Variants in JAK2 observed in about 807,000 individuals in gnomAD.
JAK2 encodes Janus kinase 2, also known as tyrosine-protein kinase JAK2.
JAK2 carries 86 observed loss-of-function variants against 139.3 expected under a neutral mutation model. The observed-to-expected ratio is 0.62, with a 90% CI of 0.52 to 0.74. The LOEUF (loss-of-function observed/expected upper bound fraction) is 0.74. Ranked by LOEUF, JAK2 falls within the 30% of genes least tolerant of loss-of-function variation. JAK2 has a pLI of 0.00. For synonymous variants in JAK2, 490 were observed against 437.7 expected, an observed-to-expected ratio of 1.12 and a Z score of -1.49; for missense variants, 1,421 against 1,360.3, an observed-to-expected ratio of 1.04 and a Z score of -0.70.
Position 5,078,466 on chromosome 9 carries a change from T to C in JAK2, c.2131+22T>C, listed in dbSNP as rs200502073. ...GACAGTAAGTTCTAGAAGGATTATA[T>C]ATAATGTTACTAAGCTTTACTTGGG... On this transcript the variant is annotated intron_variant, in intron 16 of 24. Transcript: ENST00000381652. The C allele has an allele frequency of 2.8e-4, 439 of 1,592,864 alleles. 1 individual carries two copies. The highest frequency in any genetic ancestry group is 9.0e-5 in the East Asian group (4 of 44,244).
At chr9:5,059,440 C>T (rs2149556) in intron 8 of JAK2, among the ~76,000 whole-genome samples, 95,727 of 152,004 alleles carry the variant, frequency 0.63, 32,186 homozygotes, top group African/African-American at 0.88. Context: ...TTTGACTGTA[C>T]CTCAAATTTT....
intron 9 of JAK2, among the ~76,000 whole-genome samples, chr9:5,065,889 T>C (rs1345138787): frequency 6.6e-6 from 1 of 152,164 alleles, no homozygotes; most frequent in Admixed American, 6.5e-5. Flanking sequence ...AAAGAGTTGA[T>C]TTAGTCTATG....
At chr9:5,094,832 T>C (rs1820860937) in intron 22 of JAK2, 1 of 152,194 alleles carries the variant, frequency 6.6e-6, no homozygotes, top group Non-Finnish European at 1.5e-5. Context: ...ACCAGAACTC[T>C]GTACCATAAA....
At chr9:5,027,630 C>T (rs1055345962) in intron 3 of JAK2, among the ~76,000 whole-genome samples, 3 of 152,258 alleles carry the variant, frequency 2.0e-5, no homozygotes, top group Non-Finnish European at 2.9e-5. Context: ...GCATTTTACC[C>T]GCAGTAGAAC....
intron 5 of JAK2, among the ~76,000 whole-genome samples, chr9:5,050,180 T>A (rs893352768): frequency 6.6e-6 from 1 of 152,256 alleles, no homozygotes; most frequent in South Asian, 2.1e-4. Context: ...GTTGATGTTA[T>A]ATGTACTCTG....
At chr9:5,114,251 C>T (rs779470255) in intron 22 of JAK2, 44 of 537,718 alleles carry the variant, frequency 8.2e-5, no homozygotes, top group Non-Finnish European at 1.5e-4. Flanking sequence ...CCACAATCAC[C>T]TGTCTGGTGG....
intron 2 of JAK2, among the ~76,000 whole-genome samples, chr9:5,019,395 A>C (rs1208338005): frequency 1.3e-5 from 2 of 151,914 alleles, no homozygotes; most frequent in Non-Finnish European, 2.9e-5. Flanking sequence ...TTTAAATGAT[A>C]TCTCTCTCTT....
intron 2 of JAK2, among the ~76,000 whole-genome samples, chr9:5,010,920 G>A (rs7852309): frequency 0.089 from 13,490 of 152,114 alleles, 1,754 homozygotes; most frequent in African/African-American, 0.29. Flanking sequence ...GTAGAATTCT[G>A]GGTTGACAGC....
Position 5,116,455 on chromosome 9 carries a change from AAAGT to A in JAK2, c.3060-6545_3060-6542del, listed in dbSNP as rs555959901. Among the ~76,000 whole-genome samples the A allele has an allele frequency of 2.3e-4, 35 of 152,342 alleles. 1 individual carries two copies. Among genetic ancestry groups the A allele is most frequent in the Admixed American group, 1.7e-3 (26 of 15,310 alleles). ...ACTTTTAGGGTATGAGTGAAACTAA[AAAGT>A]AAGACTCATCTAAAAATAATCATCT... is the stretch of plus-strand genomic sequence containing the variant. On this transcript the variant is annotated intron_variant, in intron 22 of 24. Coordinates refer to ENST00000381652, the MANE Select transcript of JAK2 (RefSeq NM_004972.4).
At position 5,054,675 on chromosome 9, in the gene JAK2, T is replaced by A; in HGVS notation, c.727T>A (p.Cys243Ser). Reference protein sequence around the residue: ...FRRFIQQFSQCKATARNLKLK... With the variant: ...FRRFIQQFSQSKATARNLKLK... ...CAGATTTATTCAGCAATTCAGCCAA[T>A]GCAAAGCCACTGCCAGAAACTTGAA... The change falls in exon 7 of 25, where the codon TGC becomes AGC. Residue 243 changes from cysteine to serine, a missense_variant. Physicochemically the swap from Cys to Ser is moderately radical, Grantham distance 112. Coordinates refer to ENST00000381652, the MANE Select transcript of JAK2 (RefSeq NM_004972.4). This position sits in a 1 kb window ranked among gnomAD's most constrained non-coding sequence, Gnocchi z 4.9. 1 of 1,613,466 alleles carries A rather than the reference T, an allele frequency of 6.2e-7. No individual in the cohort carries two copies. The highest frequency in any genetic ancestry group is 8.5e-7 in the Non-Finnish European group (1 of 1,179,488).
intron 8 of JAK2, among the ~76,000 whole-genome samples, chr9:5,062,021 T>G (rs1818211759): frequency 6.6e-6 from 1 of 152,174 alleles, no homozygotes; most frequent in South Asian, 2.1e-4. Flanking sequence ...TATACAAATT[T>G]ATCACTTAAG....
At chr9:5,075,599 G>A (rs976147023) in intron 14 of JAK2, among the ~76,000 whole-genome samples, 3 of 152,120 alleles carry the variant, frequency 2.0e-5, no homozygotes, top group Non-Finnish European at 2.9e-5. Flanking sequence ...GCCCATTGTT[G>A]AGACCTGCTC....
At chr9:4,987,057 T>C (rs57597906) in intron 2 of JAK2, among the ~76,000 whole-genome samples, 2,792 of 152,340 alleles carry the variant, frequency 0.018, 51 homozygotes, top group South Asian at 0.07. Flanking sequence ...AATTATTTGC[T>C]TGTACATGCA....
At chr9:5,085,638 AC>A in intron 19 of JAK2, 1 of 714,988 alleles carries the variant, frequency 1.4e-6, no homozygotes, top group Non-Finnish European at 2.6e-6. Context: ...CCTTCTTTTC[AC>A]CCCAGATCTT....
intron 23 of JAK2, among the ~76,000 whole-genome samples, chr9:5,123,765 C>A (rs902340057): frequency 3.3e-5 from 5 of 151,908 alleles, no homozygotes; most frequent in Non-Finnish European, 5.9e-5. Flanking sequence ...CACATTCTCA[C>A]CAACAGTGTA....
chr9:5,081,584 T>C (rs1231427898), intron 18 of JAK2, 141 bp from the exon 19 acceptor site: 2 of 603,940 alleles, frequency 3.3e-6, no homozygotes, highest in African/African-American at 3.7e-5. Flanking sequence ...CTCCCATTAA[T>C]ATAATTGAAA....
rs955560968 is a variant in JAK2, at chr9:5,129,222, A to T, written c.*2431A>T. ...GGGTGTGGCATTATGTGCTCACTTTATTGAGCCTATGTTAATTTCTTTAGC... is the reference window on the plus strand; with the variant it reads ...GGGTGTGGCATTATGTGCTCACTTTTTTGAGCCTATGTTAATTTCTTTAGC... On this transcript the variant is annotated 3_prime_UTR_variant, in exon 25 of 25. Transcript: ENST00000381652. 1.3e-5 allele frequency among the ~76,000 whole-genome samples: 2 copies of T among 152,048 alleles called. No homozygotes were observed. The highest frequency in any genetic ancestry group is 2.9e-5 in the Non-Finnish European group (2 of 67,926).
intron 23 of JAK2, among the ~76,000 whole-genome samples, chr9:5,123,386 G>A (rs979533696): frequency 9.2e-5 from 14 of 151,734 alleles, no homozygotes; most frequent in African/African-American, 3.1e-4. Context: ...TATAGCTCCC[G>A]CTTATAAGTG....
At chr9:5,072,116 C>A (rs1358418951) in intron 12 of JAK2, among the ~76,000 whole-genome samples, 1 of 152,156 alleles carries the variant, frequency 6.6e-6, no homozygotes, top group Non-Finnish European at 1.5e-5. Flanking sequence ...AAGAGAAAGT[C>A]AGATATTCTG....
Sources: gnomAD v4.1 joint callset for allele counts (sites outside exome capture counted in the v4.1 genomes callset) on GRCh38, gnomAD v4.1.1 for gene constraint, Gnocchi (gnomAD v3.1) non-coding constraint, MANE v1.5 for transcripts, NCBI Gene and HGNC (gene_info 2026-07-23, HGNC 2026-07-21) for gene names.